Variants in KCTD16 observed in about 807,000 individuals in gnomAD.
KCTD16 encodes the protein potassium channel tetramerization domain containing 16.
KCTD16 carries 13 observed loss-of-function variants against 33.2 expected under a neutral mutation model. The ratio of observed to expected loss-of-function variants is 0.39; its 90% CI spans 0.25 to 0.62. The LOEUF is 0.62. Ranked by LOEUF, KCTD16 falls within the 20% of genes least tolerant of loss-of-function variation. KCTD16 has a pLI of 0.50. For missense variants in KCTD16, 441 were observed against 525.1 expected, an observed-to-expected ratio of 0.84 and a Z score of 1.57; for synonymous variants, 197 against 195.3, an observed-to-expected ratio of 1.01 and a Z score of -0.07.
At chr5:144,191,449 C>G (rs1561523939) in intron 2 of KCTD16, among the ~76,000 whole-genome samples, 1 of 150,034 alleles carries the variant, frequency 6.7e-6, no homozygotes. Context: ...CATATACCCC[C>G]TGACACACTT....
chr5:144,418,455 A>C (rs1753133947), intron 3 of KCTD16, among the ~76,000 whole-genome samples: 1 of 152,140 alleles, frequency 6.6e-6, no homozygotes, highest in Non-Finnish European at 1.5e-5. Context: ...GTGTGTTTAC[A>C]AACCTTTAGC....
At chr5:144,444,453 C>T (rs940512167) in intron 3 of KCTD16, among the ~76,000 whole-genome samples, 1 of 152,004 alleles carries the variant, frequency 6.6e-6, no homozygotes, top group African/African-American at 2.4e-5. Flanking sequence ...TTATAGATTT[C>T]CCAGAAAGCT....
chr5:144,457,315 G>T (rs1580979500), intron 3 of KCTD16, among the ~76,000 whole-genome samples: 1 of 152,340 alleles, frequency 6.6e-6, no homozygotes, highest in East Asian at 1.9e-4. Context: ...AAGCAATGCT[G>T]TATCGCAAGA....
At chr5:144,417,830 T>C (rs1347795170) in intron 3 of KCTD16, among the ~76,000 whole-genome samples, 1 of 152,158 alleles carries the variant, frequency 6.6e-6, no homozygotes, top group African/African-American at 2.4e-5. Flanking sequence ...GCAGTTATTT[T>C]GGTATTATTT....
chr5:144,355,807 G>A (rs1018637189), intron 3 of KCTD16, among the ~76,000 whole-genome samples: 15 of 152,028 alleles, frequency 9.9e-5, no homozygotes, highest in Admixed American at 8.5e-4. Flanking sequence ...TTTCTGGCTC[G>A]CTTTTTCATT....
chr5:144,408,522 G>T (rs1235776813), intron 3 of KCTD16, among the ~76,000 whole-genome samples: 1 of 152,046 alleles, frequency 6.6e-6, no homozygotes, highest in Non-Finnish European at 1.5e-5. Flanking sequence ...TGAGTCTTTG[G>T]CTCATTTGTT....
Position 144,207,535 on chromosome 5 carries a change from A to G in KCTD16, c.821A>G (p.Tyr274Cys). The G allele has an allele frequency of 6.2e-7, 1 of 1,611,168 alleles. No homozygotes were observed. The highest frequency in any genetic ancestry group is 8.5e-7 in the Non-Finnish European group (1 of 1,177,960). Residue 274 changes from tyrosine (Y) to cysteine (C), a missense_variant, in exon 3 of 4, where the codon TAT becomes TGT. Transcript: ENST00000512467. ...AAGATCTGGTCAAGCTACACTGAAT[A>G]TGTCTTCTACCGTAAGTACAAAGGG... ...DDKIWSSYTE[Y>C]VFYREPSRWS...
chr5:144,319,747 G>A (rs1037632202), intron 3 of KCTD16, among the ~76,000 whole-genome samples: 5 of 152,082 alleles, frequency 3.3e-5, no homozygotes, highest in Non-Finnish European at 5.9e-5. Flanking sequence ...TAATGGCAGG[G>A]ACTATGCTCT....
At chr5:144,418,583 T>A (rs780476955) in intron 3 of KCTD16, among the ~76,000 whole-genome samples, 1 of 152,170 alleles carries the variant, frequency 6.6e-6, no homozygotes, top group Non-Finnish European at 1.5e-5. Flanking sequence ...TGTACTTCTT[T>A]ACTGGTGTTG....
At chr5:144,313,701 T>G (rs1392112550) in intron 3 of KCTD16, among the ~76,000 whole-genome samples, 1 of 152,172 alleles carries the variant, frequency 6.6e-6, no homozygotes, top group African/African-American at 2.4e-5. Context: ...TATGCCTTCA[T>G]TACAGTGATG....
In KCTD16 at chr5:144,467,530, A is replaced by G. The variant is rs1335693374; in HGVS notation, c.833-6130A>G. On this transcript the variant is annotated intron_variant, in intron 3 of 3. Transcript: ENST00000512467. Reference sequence around the variant, plus strand: ...TGTGGAAAGCAGACATTAAGCCAATAAACCTAGAAACCCACCCGTGTTTAC... The same window carrying G: ...TGTGGAAAGCAGACATTAAGCCAATGAACCTAGAAACCCACCCGTGTTTAC... Among the ~76,000 whole-genome samples the G allele has an allele frequency of 2.0e-5, 3 of 152,184 alleles. No individual in the cohort carries two copies. The East Asian group carries it at 5.8e-4, about 29-fold the overall frequency.
chr5:144,264,721 G>T (rs1755098429), intron 3 of KCTD16, among the ~76,000 whole-genome samples: 1 of 152,160 alleles, frequency 6.6e-6, no homozygotes, highest in African/African-American at 2.4e-5. Context: ...GCAGTGAGCT[G>T]TGATGGTGCC....
At chr5:144,222,108 GTTGT>G (rs528071001) in intron 3 of KCTD16, among the ~76,000 whole-genome samples, 3 of 151,924 alleles carry the variant, frequency 2.0e-5, no homozygotes, top group East Asian at 3.9e-4. Flanking sequence ...TTTTGATGGG[GTTGT>G]TTGTTTTTTT....
intron 3 of KCTD16, among the ~76,000 whole-genome samples, chr5:144,247,627 A>T (rs1279072039): frequency 6.6e-6 from 1 of 152,216 alleles, no homozygotes; most frequent in Non-Finnish European, 1.5e-5. Flanking sequence ...CAACTGGAAC[A>T]GTTTTCAATA....
intron 3 of KCTD16, among the ~76,000 whole-genome samples, chr5:144,347,400 G>A (rs532262813): frequency 7.9e-5 from 12 of 152,270 alleles, no homozygotes; most frequent in East Asian, 1.9e-4. Context: ...TTCGAGACCC[G>A]CCTGGCCAAC....
chr5:144,220,127 G>T (rs778616965), intron 3 of KCTD16, among the ~76,000 whole-genome samples: 1 of 151,950 alleles, frequency 6.6e-6, no homozygotes, highest in Admixed American at 6.6e-5. Flanking sequence ...TTCCCACCTC[G>T]AGGGATTTGT....
intron 3 of KCTD16, among the ~76,000 whole-genome samples, chr5:144,370,181 C>G (rs868247884): frequency 6.6e-6 from 1 of 151,974 alleles, no homozygotes; most frequent in South Asian, 2.1e-4. Flanking sequence ...GGATCCTGAT[C>G]CCCTGAGGAA....
intron 3 of KCTD16, among the ~76,000 whole-genome samples, chr5:144,257,680 G>C (rs1485629117): frequency 6.6e-6 from 1 of 152,044 alleles, no homozygotes; most frequent in Non-Finnish European, 1.5e-5. Flanking sequence ...GTAGAGACGG[G>C]GTTTCACTGT....
At chr5:144,418,208 T>C (rs1046243546) in intron 3 of KCTD16, among the ~76,000 whole-genome samples, 1 of 152,136 alleles carries the variant, frequency 6.6e-6, no homozygotes, top group Non-Finnish European at 1.5e-5. Flanking sequence ...ACCCAAAGCA[T>C]GAGCAGCAGC....
Sources: allele counts gnomAD v4.1 joint callset (sites outside exome capture counted in the v4.1 genomes callset), GRCh38; gene constraint gnomAD v4.1.1; transcripts MANE v1.5; gene names NCBI Gene and HGNC (gene_info 2026-07-23, HGNC 2026-07-21).